BAZ2B: variants seen among roughly 807,000 people sequenced by gnomAD.
The protein encoded by BAZ2B is bromodomain adjacent to zinc finger domain protein 2B.
A neutral mutation model predicts 246.0 loss-of-function variants in BAZ2B; 91 were observed. That is an observed-to-expected ratio of 0.37 (90% CI 0.31 to 0.44). The LOEUF is 0.44. Among genes scored for constraint, BAZ2B ranks in the 20% least tolerant of loss-of-function variants. The probability of loss-of-function intolerance (pLI) is 1.00; values close to 1 mark genes in which losing one functional copy is unlikely to be tolerated. For missense variants in BAZ2B, 2,332 were observed against 2,533.7 expected, an observed-to-expected ratio of 0.92 and a Z score of 1.71; for synonymous variants, 855 against 860.0, an observed-to-expected ratio of 0.99 and a Z score of 0.10.
chr2:159,379,656 G>C (rs10929940), intron 25 of BAZ2B, among the ~76,000 whole-genome samples: 113,300 of 152,042 alleles, frequency 0.75, 44,811 homozygotes, highest in Middle Eastern at 0.9. Flanking sequence ...ATTCTACATT[G>C]ATTCATAAAT....
chr2:159,466,003 A>T (rs2150699553), intron 3 of BAZ2B, among the ~76,000 whole-genome samples: 1 of 152,326 alleles, frequency 6.6e-6, no homozygotes, highest in Admixed American at 6.5e-5. Flanking sequence ...TCATGCTGTA[A>T]TAGTTCAGAG....
At chr2:159,614,672 A>C (rs1695491654) in intron 1 of BAZ2B, among the ~76,000 whole-genome samples, 1 of 152,146 alleles carries the variant, frequency 6.6e-6, no homozygotes, top group South Asian at 2.1e-4. Flanking sequence ...ATGACGCACA[A>C]GTTTTTTACC....
intron 2 of BAZ2B, among the ~76,000 whole-genome samples, chr2:159,517,814 G>A (rs187058212): frequency 5.3e-5 from 8 of 152,172 alleles, no homozygotes; most frequent in South Asian, 2.1e-4. Flanking sequence ...GTATGTATTC[G>A]GTATTGAGCC....
chr2:159,325,115 TTTTA>T lies in BAZ2B; in HGVS notation c.6210-165_6210-162del, dbSNP rs1558944598. ...TATTATATATATATATATATATATA[TTTTA>T]TATATATATATATATATATATATAT... On this transcript the variant is annotated intron_variant, in intron 35 of 36. Coordinates refer to ENST00000392783, the MANE Select transcript of BAZ2B (RefSeq NM_013450.4). 6.0e-4 allele frequency among the ~76,000 whole-genome samples: 2 copies of T among 3,306 alleles called. 1 individual carries two copies. The highest frequency in any genetic ancestry group is 1.2e-3 in the Non-Finnish European group (2 of 1,612). 2.2% of individuals were successfully genotyped at this position (3,306 alleles called of 152,430 possible). A position where few individuals can be genotyped will look rare whatever the true frequency, so the allele number is the denominator to read the frequency against.
chr2:159,373,229 T>C (rs2061044410), intron 26 of BAZ2B, 40 bp from the exon 27 acceptor site: 10 of 1,551,450 alleles, frequency 6.4e-6, no homozygotes, highest in Non-Finnish European at 8.7e-6. Context: ...TTTGGGATGT[T>C]AAATGCTTTA....
intron 1 of BAZ2B, among the ~76,000 whole-genome samples, chr2:159,588,564 C>G (rs1385483637): frequency 1.3e-5 from 2 of 152,088 alleles, no homozygotes; most frequent in East Asian, 3.9e-4. Context: ...CATTATTTCC[C>G]CAATAAAGAC....
intron 22 of BAZ2B, 149 bp from the exon 23 acceptor site, chr2:159,385,518 G>T: frequency 6.1e-6 from 4 of 658,894 alleles, no homozygotes; most frequent in Non-Finnish European, 1.0e-5. Context: ...CACAAAAATA[G>T]TCAATAGAAG....
chr2:159,685,577 A>G, the BAZ2B span, among the ~76,000 whole-genome samples: 1 of 152,162 alleles, frequency 6.6e-6, no homozygotes, highest in African/African-American at 2.4e-5. Flanking sequence ...ATCTTGTAGT[A>G]CCAGAAAGCA....
chr2:159,394,717 C>A (rs1005660244), intron 20 of BAZ2B, among the ~76,000 whole-genome samples: 9 of 152,134 alleles, frequency 5.9e-5, no homozygotes, highest in Admixed American at 1.3e-4. Context: ...GTTCCAAGAA[C>A]TTTACATACA....
At chr2:159,409,945 T>A (rs1322867325) in intron 14 of BAZ2B, among the ~76,000 whole-genome samples, 6 of 152,164 alleles carry the variant, frequency 3.9e-5, no homozygotes, top group Admixed American at 3.9e-4. Flanking sequence ...GGAGGGAGAA[T>A]AAACATTCGG....
At chr2:159,478,779 T>C (rs1287504516) in intron 2 of BAZ2B, 58 bp from the exon 3 acceptor site, 1 of 1,320,340 alleles carries the variant, frequency 7.6e-7, no homozygotes, top group Non-Finnish European at 1.0e-6. Flanking sequence ...TTCAAAAGAA[T>C]TCAACATAAA....
the BAZ2B span, among the ~76,000 whole-genome samples, chr2:159,702,112 A>G: frequency 6.6e-6 from 1 of 152,184 alleles, no homozygotes; most frequent in Non-Finnish European, 1.5e-5. Flanking sequence ...TTGTTCTGAC[A>G]AAGATTAAAT....
chr2:159,674,304 C>T, the BAZ2B span, among the ~76,000 whole-genome samples: 34 of 144,936 alleles, frequency 2.3e-4, no homozygotes, highest in African/African-American at 8.5e-4. Context: ...CATTGCACTC[C>T]AGCCTGGGCA....
rs780714894 is a variant in BAZ2B, at chr2:159,404,929, T to C, written c.2771-19A>G. The C allele has an allele frequency of 9.3e-6, 15 of 1,613,132 alleles. No homozygotes were observed. The African/African-American group carries it at 1.2e-4, about 13-fold the overall frequency. Reference sequence around the variant, plus strand: ...ATTATTGCTACAAGAAACCAAAGGATAGATATCATCAAAAAGGGAATGAAG... The same window carrying C: ...ATTATTGCTACAAGAAACCAAAGGACAGATATCATCAAAAAGGGAATGAAG... On this transcript the variant is annotated intron_variant, in intron 15 of 36. Transcript: ENST00000392783.
At position 159,430,916 on chromosome 2, in the gene BAZ2B, G is replaced by T; in HGVS notation, c.2141C>A (p.Ser714Ter). Residue 714 changes from serine to a stop codon, truncating the protein, a stop_gained, in exon 10 of 37, where the codon TCA becomes TAA. Transcript: ENST00000392783. LOFTEE classifies it high-confidence loss of function. The stretch of plus-strand genomic sequence containing the variant: ...AGAAGATGTACCAAGAAAAGCAGGT[G>T]ACTGGGATTCAGAACATAAGGCAGC... ...APAALCSESQ[S>*]PAFLGTSSST... 6.2e-7 allele frequency: 1 copy of T among 1,613,904 alleles called. No homozygotes were observed. Among genetic ancestry groups the T allele is most frequent in the Non-Finnish European group, 8.5e-7 (1 of 1,179,878 alleles).
intron 16 of BAZ2B, among the ~76,000 whole-genome samples, chr2:159,403,287 G>A (rs962840142): frequency 6.6e-6 from 1 of 152,136 alleles, no homozygotes; most frequent in African/African-American, 2.4e-5. Flanking sequence ...ATTGGCCTCA[G>A]ATAAATATCT....
At chr2:159,452,793 T>C (rs560280768) in intron 4 of BAZ2B, among the ~76,000 whole-genome samples, 1 of 152,330 alleles carries the variant, frequency 6.6e-6, no homozygotes, top group African/African-American at 2.4e-5. Context: ...ACTCTCTAGT[T>C]GTTTTGATCA....
At chr2:159,558,968 G>A (rs1000998032) in intron 1 of BAZ2B, among the ~76,000 whole-genome samples, 2 of 152,108 alleles carry the variant, frequency 1.3e-5, no homozygotes, top group African/African-American at 4.8e-5. Context: ...GCCAGGCGCG[G>A]GTGGTTCATG....
rs762892574 is a variant in BAZ2B at position 159,349,856 on chromosome 2, G to A, written c.4715C>T (p.Ser1572Leu). 1.9e-6 allele frequency: 3 copies of A among 1,614,078 alleles called. No individual in the cohort carries two copies. The highest frequency in any genetic ancestry group is 2.5e-6 in the Non-Finnish European group (3 of 1,180,026). Residue 1572 changes from serine (S) to leucine (L), a missense_variant, in exon 28 of 37, where the codon TCA (serine) becomes TTA (leucine). Around this residue, in one of 9 missense-constraint regions of BAZ2B, gnomAD observed 676 missense variants for 668.6 expected, o/e 1.01. Transcript: ENST00000392783. Reference protein sequence around the residue: ...LLPRTPCDDTSLTHADMSTAS... With the variant: ...LLPRTPCDDTLLTHADMSTAS... Reference sequence around the variant, plus strand: ...AGTTGACATATCGGCATGAGTAAGTGAAGTGTCATCACAGGGTGTTCGTGG... The same window carrying A: ...AGTTGACATATCGGCATGAGTAAGTAAAGTGTCATCACAGGGTGTTCGTGG...
Sources: gnomAD v4.1 joint callset for allele counts (sites outside exome capture counted in the v4.1 genomes callset) on GRCh38, gnomAD v4.1.1 for gene constraint, gnomAD v4.1.1 regional missense constraint, MANE v1.5 for transcripts, NCBI Gene and HGNC (gene_info 2026-07-23, HGNC 2026-07-21) for gene names.